REEP3: variants seen among roughly 807,000 people sequenced by gnomAD.
REEP3 encodes the protein receptor accessory protein 3.
Under a neutral mutation model 41.3 loss-of-function variants are expected in REEP3, and 20 were observed. The ratio of observed to expected loss-of-function variants is 0.48; its 90% CI spans 0.34 to 0.70. The LOEUF (loss-of-function observed/expected upper bound fraction) is 0.70. Ranked by LOEUF, REEP3 falls within the 30% of genes least tolerant of loss-of-function variation. The pLI is 0.01. For missense variants in REEP3, 271 were observed against 308.8 expected (o/e 0.88, Z 0.92); for synonymous variants, 104 against 101.8 (o/e 1.02, Z -0.13).
At chr10:63,542,356 G>A (rs1161369887) in intron 1 of REEP3, among the ~76,000 whole-genome samples, 4 of 152,256 alleles carry the variant, frequency 2.6e-5, no homozygotes, top group East Asian at 1.9e-4. Context: ...GATTACAGGC[G>A]TGAGCCACCA....
intron 5 of REEP3, among the ~76,000 whole-genome samples, chr10:63,605,012 C>T (rs74550243): frequency 0.19 from 29,160 of 151,998 alleles, 3,556 homozygotes; most frequent in Non-Finnish European, 0.28. Context: ...GGTATCTAGT[C>T]GGTAAAGAAT....
rs1955899843 is a variant in REEP3, at chr10:63,576,505, T to C, written c.105+10095T>C. 2.0e-5 allele frequency among the ~76,000 whole-genome samples: 3 copies of C among 152,224 alleles called. No homozygotes were observed. The South Asian group carries it at 6.2e-4, about 31-fold the overall frequency. ...ACATAGGACTCGCCCCTCATGTCTC[T>C]GTGTGTCTATTTTGCCTCTTCATCT... On this transcript the variant is annotated intron_variant, in intron 2 of 7. Coordinates refer to ENST00000373758, the MANE Select transcript of REEP3 (RefSeq NM_001001330.3).
intron 1 of REEP3, among the ~76,000 whole-genome samples, chr10:63,565,220 A>G (rs1376865189): frequency 6.6e-6 from 1 of 152,234 alleles, no homozygotes; most frequent in Non-Finnish European, 1.5e-5. Context: ...AGATCGCACC[A>G]CTACACTCTG....
chr10:63,565,388 A>G (rs928372527), intron 1 of REEP3, among the ~76,000 whole-genome samples: 5 of 152,228 alleles, frequency 3.3e-5, no homozygotes, highest in Admixed American at 1.3e-4. Flanking sequence ...TTCTGTGTCT[A>G]TCTTTTCATT....
At chr10:63,583,800 T>C (rs1589876217) in intron 2 of REEP3, among the ~76,000 whole-genome samples, 1 of 152,298 alleles carries the variant, frequency 6.6e-6, no homozygotes, top group Non-Finnish European at 1.5e-5. Flanking sequence ...TTATCCCAAA[T>C]AAATCAATAG....
At chr10:63,613,111 A>C (rs2133431059) in intron 6 of REEP3, among the ~76,000 whole-genome samples, 1 of 152,058 alleles carries the variant, frequency 6.6e-6, no homozygotes, top group Non-Finnish European at 1.5e-5. Context: ...TCCCAAGTTC[A>C]TGCAGTTCTC....
intron 5 of REEP3, among the ~76,000 whole-genome samples, chr10:63,603,692 A>T (rs1956196860): frequency 6.6e-6 from 1 of 152,170 alleles, no homozygotes; most frequent in South Asian, 2.1e-4. Context: ...ACATCCCTGT[A>T]TGTAAGGTAA....
At chr10:63,530,369 A>T (rs1259107797) in intron 1 of REEP3, among the ~76,000 whole-genome samples, 3 of 152,216 alleles carry the variant, frequency 2.0e-5, no homozygotes, top group African/African-American at 4.8e-5. Context: ...ATCCATTGTG[A>T]ATAGCTTACA....
chr10:63,588,962 A>G (rs921135534), intron 2 of REEP3, among the ~76,000 whole-genome samples: 1 of 152,206 alleles, frequency 6.6e-6, no homozygotes, highest in Non-Finnish European at 1.5e-5. Context: ...TACCAGGGCC[A>G]GTAAAAGAGC....
At chr10:63,589,987 G>T (rs1284019931) in intron 2 of REEP3, among the ~76,000 whole-genome samples, 1 of 151,872 alleles carries the variant, frequency 6.6e-6, no homozygotes, top group Admixed American at 6.6e-5. Context: ...TAGAGAGGGG[G>T]TTTCACCATG....
chr10:63,609,846 G>A (rs2133427932), intron 5 of REEP3, among the ~76,000 whole-genome samples: 1 of 152,266 alleles, frequency 6.6e-6, no homozygotes, highest in East Asian at 1.9e-4. Context: ...CAAAGTGCTA[G>A]TTTTAGGAGA....
intron 2 of REEP3, among the ~76,000 whole-genome samples, chr10:63,569,016 A>G (rs1955829488): frequency 6.6e-6 from 1 of 152,128 alleles, no homozygotes; most frequent in Non-Finnish European, 1.5e-5. Context: ...CAAATAATGT[A>G]CTTTTGCCTA....
chr10:63,614,809 A>T (rs1396445611), intron 6 of REEP3, among the ~76,000 whole-genome samples: 1 of 152,250 alleles, frequency 6.6e-6, no homozygotes, highest in African/African-American at 2.4e-5. Flanking sequence ...TTAAAATGGA[A>T]TAATCCTTTT....
chr10:63,531,424 T>C (rs1955420123), intron 1 of REEP3, among the ~76,000 whole-genome samples: 1 of 152,170 alleles, frequency 6.6e-6, no homozygotes, highest in African/African-American at 2.4e-5. Flanking sequence ...AGATATGGAA[T>C]TGACATATGT....
intron 2 of REEP3, among the ~76,000 whole-genome samples, chr10:63,567,867 G>A (rs958953139): frequency 2.0e-5 from 3 of 151,988 alleles, no homozygotes; most frequent in Admixed American, 6.5e-5. Flanking sequence ...AAACTTTTAC[G>A]GTCATTTTTT....
chr10:63,586,467 A>G (rs2133394387), intron 2 of REEP3, among the ~76,000 whole-genome samples: 1 of 152,274 alleles, frequency 6.6e-6, no homozygotes, highest in South Asian at 2.1e-4. Flanking sequence ...TTAAGATTCC[A>G]TTTGAGGATT....
At chr10:63,603,685 T>A (rs751450398) in intron 5 of REEP3, among the ~76,000 whole-genome samples, 1 of 152,180 alleles carries the variant, frequency 6.6e-6, no homozygotes, top group Non-Finnish European at 1.5e-5. Flanking sequence ...ATCCATAACA[T>A]CCCTGTATGT....
chr10:63,586,501 TA>T (rs1270352087), intron 2 of REEP3, among the ~76,000 whole-genome samples: 1 of 152,176 alleles, frequency 6.6e-6, no homozygotes, highest in Non-Finnish European at 1.5e-5. Context: ...ATTTTTATTT[TA>T]AATGAAAATA....
chr10:63,594,890 A>C lies in REEP3; in HGVS notation c.182+36A>C, dbSNP rs756329093. On this transcript the variant is annotated intron_variant, in intron 3 of 7. Coordinates refer to ENST00000373758, the MANE Select transcript of REEP3 (RefSeq NM_001001330.3). ...CTATTGAGAAGGGGCCAGACTACAG[A>C]CTCATAATCAGGTGTCCTAAGTTCT... 4 of 1,300,326 alleles carry C rather than the reference A, an allele frequency of 3.1e-6. No homozygotes were observed. In the African/African-American group the frequency reaches 5.8e-5, roughly 19 times the overall value. 80.5% of individuals were successfully genotyped at this position (1,300,326 alleles called of 1,614,324 possible).
Sources: gnomAD v4.1 joint callset for allele counts (sites outside exome capture counted in the v4.1 genomes callset) on GRCh38, gnomAD v4.1.1 for gene constraint, MANE v1.5 for transcripts, NCBI Gene and HGNC (gene_info 2026-07-23, HGNC 2026-07-21) for gene names.